Variants in RNF213 observed in about 807,000 individuals in gnomAD.
RNF213 encodes E3 ubiquitin-protein ligase RNF213.
In RNF213, 341 loss-of-function variants were observed where a neutral mutation model predicts 514.4. The ratio of observed to expected loss-of-function variants is 0.66; its 90% CI spans 0.61 to 0.73. The LOEUF (loss-of-function observed/expected upper bound fraction) is 0.73. Among genes scored for constraint, RNF213 ranks in the 30% least tolerant of loss-of-function variants. RNF213 has a pLI of 0.00. For synonymous variants in RNF213, 2,655 were observed against 2,658.2 expected (o/e 1.00, Z 0.04); for missense variants, 5,767 against 6,615.6 (o/e 0.87, Z 4.45).
chr17:80,324,359 C>T lies in RNF213; in HGVS notation c.3025-671C>T, dbSNP rs545560954. On this transcript the variant is annotated intron_variant, in intron 17 of 67. Coordinates refer to ENST00000582970, the MANE Select transcript of RNF213 (RefSeq NM_001256071.3). The stretch of plus-strand genomic sequence containing the variant: ...TCCCGTATCTACTGAAATGATCATG[C>T]GATATTTTCCTAATGTTATTAACTG... Among the ~76,000 whole-genome samples the T allele has an allele frequency of 8.2e-4, 125 of 152,172 alleles. 1 individual carries two copies. Among genetic ancestry groups the T allele is most frequent in the African/African-American group, 2.8e-3 (118 of 41,510 alleles).
intron 16 of RNF213, among the ~76,000 whole-genome samples, chr17:80,318,660 G>T (rs543939024): frequency 2.6e-5 from 4 of 151,788 alleles, no homozygotes; most frequent in Non-Finnish European, 5.9e-5. Flanking sequence ...TGCAAACTCC[G>T]CCTCCCGGGT....
At chr17:80,322,141 C>G (rs1247888330) in intron 17 of RNF213, among the ~76,000 whole-genome samples, 1 of 140,390 alleles carries the variant, frequency 7.1e-6, no homozygotes, top group Non-Finnish European at 1.5e-5. Context: ...TATTTTGCCC[C>G]TCATCCCCCC....
In RNF213 at chr17:80,363,629, A is replaced by G. The variant is rs141567136; in HGVS notation, c.11589A>G (p.Ala3863=). ...CCCAGACCCTGGACGCATTTGCCGCAATGGCCTGCACGGAGATGCTGACAA... is the reference window on the plus strand; with the variant it reads ...CCCAGACCCTGGACGCATTTGCCGCGATGGCCTGCACGGAGATGCTGACAA... ...GCEMTLDAFA[A]MACTEMLTRN... The change falls in exon 41 of 68, where the codon GCA becomes GCG. Residue 3863 remains alanine, a synonymous_variant. Transcript: ENST00000582970. 741 of 1,613,958 alleles carry G rather than the reference A, an allele frequency of 4.6e-4. 3 individuals are homozygous for G. In the African/African-American group the frequency reaches 8.2e-3, roughly 18 times the overall value.
intron 64 of RNF213, 120 bp downstream of exon 64, chr17:80,388,809 G>T (rs568391607): frequency 7.0e-4 from 585 of 833,640 alleles, no homozygotes; most frequent in Admixed American, 1.4e-3. Context: ...CAGTTTCTGC[G>T]GCCTCCCTTA....
chr17:80,336,655 G>T (rs2077995723), intron 23 of RNF213: 2 of 442,660 alleles, frequency 4.5e-6, no homozygotes, highest in South Asian at 2.1e-5. Context: ...GTTGCCAGGA[G>T]TTTTCTCTGA....
intron 35 of RNF213, 135 bp from the exon 36 acceptor site, chr17:80,354,306 G>A: frequency 6.6e-7 from 1 of 1,513,464 alleles, no homozygotes; most frequent in East Asian, 2.3e-5. Context: ...GGGAATCTAA[G>A]AGCATCTCTC....
intron 46 of RNF213, among the ~76,000 whole-genome samples, chr17:80,370,447 T>A (rs2079470862): frequency 1.3e-5 from 2 of 152,200 alleles, no homozygotes; most frequent in South Asian, 4.1e-4. Flanking sequence ...ATTTGCCCTT[T>A]TTTAAAAAAC....
rs1201983380 is a variant in RNF213, at chr17:80,375,806, C to T, written c.13121C>T (p.Thr4374Ile). The T allele has an allele frequency of 2.6e-5, 42 of 1,614,038 alleles. No individual in the cohort carries two copies. Among genetic ancestry groups the T allele is most frequent in the Non-Finnish European group, 3.4e-5 (40 of 1,180,018 alleles). Residue 4374 changes from threonine to isoleucine, a missense_variant, in exon 51 of 68, where the codon ACA becomes ATA. By Grantham distance (89) the Thr-to-Ile change is moderately conservative. Around this residue, in one of 13 missense-constraint regions of RNF213, gnomAD observed 1,245 missense variants for 1,339.0 expected, o/e 0.93. Coordinates refer to ENST00000582970, the MANE Select transcript of RNF213 (RefSeq NM_001256071.3). ...QSQQSAYFLL[T>I]LFREVAILYR... ...CAGCAGTCAGCCTACTTCCTGTTAACACTGTTTAGAGAGGTGGCTATTTTG... is the reference window on the plus strand; with the variant it reads ...CAGCAGTCAGCCTACTTCCTGTTAATACTGTTTAGAGAGGTGGCTATTTTG...
chr17:80,393,267 C>G, intron 67 of RNF213, 78 bp from the exon 68 acceptor site: 1 of 1,173,678 alleles, frequency 8.5e-7, no homozygotes, highest in East Asian at 2.3e-5. Flanking sequence ...ACACGTGAGC[C>G]ACACAGTGCT....
Position 80,371,963 on chromosome 17 carries a change from T to C in RNF213, c.12515T>C (p.Met4172Thr). The change falls in exon 47 of 68, where the codon ATG becomes ACG. Residue 4172 changes from methionine to threonine, a missense_variant. Met to Thr is a moderately conservative substitution (Grantham distance 81, BLOSUM62 -1). Coordinates refer to ENST00000582970, the MANE Select transcript of RNF213 (RefSeq NM_001256071.3). ...FITEDKTELY[M>T]LFINCLEDSI... ...ACTGAAGATAAAACTGAACTGTACATGCTCTTCATCAACTGCCTGGAGGTA... is the reference window on the plus strand; with the variant it reads ...ACTGAAGATAAAACTGAACTGTACACGCTCTTCATCAACTGCCTGGAGGTA... The C allele has an allele frequency of 6.3e-7, 1 of 1,589,306 alleles. No homozygotes were observed. The highest frequency in any genetic ancestry group is 1.3e-5 in the African/African-American group (1 of 74,538).
Position 80,288,197 on chromosome 17 carries a change from G to T in RNF213, c.644G>T (p.Gly215Val), listed in dbSNP as rs752840165. ...GCTTCCATCCCCTCTGGGGGCAGAGGCCTGTCCCAGGAGGGGACCGGTCCC... is the reference window on the plus strand; with the variant it reads ...GCTTCCATCCCCTCTGGGGGCAGAGTCCTGTCCCAGGAGGGGACCGGTCCC... ...QDASIPSGGR[G>V]LSQEGTGPPT... Residue 215 changes from glycine to valine, a missense_variant, in exon 4 of 68, where the codon GGC becomes GTC. Around this residue, in one of 13 missense-constraint regions of RNF213, gnomAD observed 509 missense variants for 496.7 expected, o/e 1.02. Coordinates refer to ENST00000582970, the MANE Select transcript of RNF213 (RefSeq NM_001256071.3). The surrounding 1 kb of genome is among the most constrained non-coding windows in gnomAD (Gnocchi z 4.9). 8.1e-6 allele frequency: 13 copies of T among 1,612,756 alleles called. No individual in the cohort carries two copies. Among genetic ancestry groups the T allele is most frequent in the Middle Eastern group, 1.6e-4 (1 of 6,080 alleles).
intron 42 of RNF213, among the ~76,000 whole-genome samples, 157 bp from the exon 43 acceptor site, chr17:80,367,591 G>A (rs1466463732): frequency 6.6e-6 from 1 of 152,202 alleles, no homozygotes; most frequent in Non-Finnish European, 1.5e-5. Flanking sequence ...AGCATTCAGA[G>A]TTCAAGCGTT....
intron 42 of RNF213, among the ~76,000 whole-genome samples, chr17:80,367,442 G>T (rs1029575965): frequency 6.6e-5 from 10 of 152,260 alleles, no homozygotes; most frequent in South Asian, 4.1e-4. Flanking sequence ...AGCTTGGTGG[G>T]GGGTATACAG....
intron 3 of RNF213, among the ~76,000 whole-genome samples, chr17:80,276,927 T>C (rs1002512362): frequency 6.6e-6 from 1 of 151,520 alleles, no homozygotes; most frequent in Admixed American, 6.6e-5. Context: ...CGTGGTGGCG[T>C]ATGCCTGTAA....
Position 80,385,474 on chromosome 17 carries a change from G to A in RNF213, c.14456-64G>A, listed in dbSNP as rs1000941927. The stretch of plus-strand genomic sequence containing the variant: ...GGGCTCTCGGCAGAGCATGTAACTA[G>A]GGTGGTTTGGCCCTTTCAGGGGGTT... On this transcript the variant is annotated intron_variant, in intron 60 of 67. Coordinates refer to ENST00000582970, the MANE Select transcript of RNF213 (RefSeq NM_001256071.3). 7.3e-6 allele frequency: 10 copies of A among 1,367,496 alleles called. No individual in the cohort carries two copies. The African/African-American group carries it at 1.3e-4, about 18-fold the overall frequency. 84.7% of individuals were successfully genotyped at this position (1,367,496 alleles called of 1,614,324 possible). A position where few individuals can be genotyped will look rare whatever the true frequency, so the allele number is the denominator to read the frequency against.
chr17:80,390,989 G>C (rs1454493841), intron 67 of RNF213, among the ~76,000 whole-genome samples: 1 of 152,136 alleles, frequency 6.6e-6, no homozygotes, highest in Non-Finnish European at 1.5e-5. Flanking sequence ...TTTAACCTGG[G>C]AGGTGGAGAT....
rs529055981 is a variant in RNF213 at position 80,267,217 on chromosome 17, C to G, written c.97+3439C>G. Among the ~76,000 whole-genome samples, 10 of 111,954 alleles carry G rather than the reference C, an allele frequency of 8.9e-5. 1 individual carries two copies. The South Asian group carries it at 2.9e-3, about 32-fold the overall frequency. The allele number at this position is 111,954 out of a possible 152,430, so 73.4% of individuals were successfully genotyped here. On this transcript the variant is annotated intron_variant, in intron 2 of 67. Transcript: ENST00000582970. ...GGGTGACAACAGCGAGACTCTGTCT[C>G]AAAAAAAAAAAAGAAAAAAAAGAGA...
intron 58 of RNF213, 59 bp downstream of exon 58, chr17:80,383,129 C>T (rs561167973): frequency 9.0e-6 from 11 of 1,223,726 alleles, no homozygotes; most frequent in African/African-American, 6.0e-5. Flanking sequence ...AGGGTCCCGG[C>T]GTCTGCTGAA....
chr17:80,364,857 C>T (rs2079198284), intron 42 of RNF213: 10 of 392,518 alleles, frequency 2.5e-5, no homozygotes, highest in South Asian at 2.1e-4. Flanking sequence ...GATTACCTGG[C>T]CTTTGGAGTG....
Sources: allele counts gnomAD v4.1 joint callset (sites outside exome capture counted in the v4.1 genomes callset), GRCh38; gene constraint gnomAD v4.1.1; regional missense constraint gnomAD v4.1.1; non-coding constraint Gnocchi (gnomAD v3.1); transcripts MANE v1.5; gene names NCBI Gene and HGNC (gene_info 2026-07-23, HGNC 2026-07-21).